The following DAB1 variants were observed in gnomAD, a reference collection of about 807,000 sequenced individuals.
DAB1 encodes DAB adaptor protein 1, also known as disabled homolog 1.
Under a neutral mutation model 64.6 loss-of-function variants are expected in DAB1, and 15 were observed. That is an observed-to-expected ratio of 0.23 (90% CI 0.16 to 0.36). The LOEUF (loss-of-function observed/expected upper bound fraction) is 0.36, where lower values mean the gene tolerates loss of function less well. Ranked by LOEUF, DAB1 falls within the 10% of genes least tolerant of loss-of-function variation. DAB1 has a pLI of 1.00. For synonymous variants in DAB1, 235 were observed against 251.9 expected (o/e 0.93, Z 0.64); for missense variants, 596 against 706.7 (o/e 0.84, Z 1.78).
chr1:57,597,345 G>A (rs113275118), intron 7 of DAB1, among the ~76,000 whole-genome samples: 10 of 152,292 alleles, frequency 6.6e-5, no homozygotes, highest in African/African-American at 2.4e-4. Context: ...CTGTGAACAA[G>A]GACAGCAAGA....
chr1:58,526,291 G>A (rs562661423), intron 2 of DAB1, among the ~76,000 whole-genome samples: 6 of 152,050 alleles, frequency 3.9e-5, no homozygotes, highest in Non-Finnish European at 7.4e-5. Context: ...TTGCTTTTGT[G>A]AAGGAGTAAT....
chr1:57,550,352 A>T (rs1644900797), intron 7 of DAB1, among the ~76,000 whole-genome samples: 1 of 152,150 alleles, frequency 6.6e-6, no homozygotes, highest in African/African-American at 2.4e-5. Flanking sequence ...CAGGACTCCT[A>T]CGTGGACAGG....
intron 3 of DAB1, among the ~76,000 whole-genome samples, chr1:58,442,636 A>G (rs1296843267): frequency 1.3e-5 from 2 of 152,102 alleles, no homozygotes; most frequent in East Asian, 3.9e-4. Flanking sequence ...GCTCAGAAAA[A>G]CCTGAGTTTA....
Position 57,540,612 on chromosome 1 carries a change from G to T in DAB1, n.625+108980C>A, listed in dbSNP as rs557099184. On this transcript the variant is annotated intron_variant and non_coding_transcript_variant, in intron 7 of 20. Coordinates refer to the DAB1 transcript ENST00000485760. Reference sequence around the variant, plus strand: ...TATTTACAAAGTGGAATACTACTTGGCCATAAAAAAAGAATAAAATCCTGT... The same window carrying T: ...TATTTACAAAGTGGAATACTACTTGTCCATAAAAAAAGAATAAAATCCTGT... Among the ~76,000 whole-genome samples the T allele has an allele frequency of 9.2e-4, 140 of 152,154 alleles. 2 individuals carry two copies. Among genetic ancestry groups the T allele is most frequent in the Non-Finnish European group, 1.6e-3 (107 of 68,038 alleles).
At chr1:57,890,876 C>A (rs1329739953) in intron 5 of DAB1, among the ~76,000 whole-genome samples, 1 of 152,184 alleles carries the variant, frequency 6.6e-6, no homozygotes, top group Non-Finnish European at 1.5e-5. Context: ...ATGAGTATTT[C>A]TCTCTGAACA....
At chr1:57,958,793 C>A (rs954173764) in intron 5 of DAB1, among the ~76,000 whole-genome samples, 1 of 152,170 alleles carries the variant, frequency 6.6e-6, no homozygotes, top group African/African-American at 2.4e-5. Flanking sequence ...CTTTCTATGT[C>A]TTCTCACATC....
chr1:58,067,486 A>G (rs1648928013), intron 5 of DAB1, among the ~76,000 whole-genome samples: 1 of 152,224 alleles, frequency 6.6e-6, no homozygotes, highest in Non-Finnish European at 1.5e-5. Flanking sequence ...AACACCTACC[A>G]CAGATTCCAG....
chr1:57,682,832 G>C (rs1296713660), intron 6 of DAB1, among the ~76,000 whole-genome samples: 1 of 152,190 alleles, frequency 6.6e-6, no homozygotes, highest in East Asian at 1.9e-4. Flanking sequence ...TCAGTTGACT[G>C]CCAGACAGGA....
chr1:57,012,068 T>C (rs1646283658), intron 12 of DAB1, among the ~76,000 whole-genome samples: 1 of 152,196 alleles, frequency 6.6e-6, no homozygotes, highest in African/African-American at 2.4e-5. Context: ...AAATATGCCA[T>C]TTGATACCAC....
At chr1:57,633,548 G>C (rs1376024518) in intron 7 of DAB1, among the ~76,000 whole-genome samples, 2 of 152,216 alleles carry the variant, frequency 1.3e-5, no homozygotes, top group Non-Finnish European at 1.5e-5. Context: ...GCTGGGAAGG[G>C]AGGGACAGAG....
At chr1:58,125,284 AG>A (rs919157766) in intron 5 of DAB1, among the ~76,000 whole-genome samples, 12 of 152,148 alleles carry the variant, frequency 7.9e-5, no homozygotes, top group Admixed American at 7.9e-4. Flanking sequence ...ATTTTGGTTC[AG>A]TTGCATTTAA....
chr1:57,733,994 C>T (rs1326431096), intron 6 of DAB1, among the ~76,000 whole-genome samples: 1 of 152,014 alleles, frequency 6.6e-6, no homozygotes, highest in Non-Finnish European at 1.5e-5. Context: ...AGATTATTTC[C>T]ACCAACCCAG....
At position 57,949,509 on chromosome 1, in the gene DAB1, A is replaced by ATC. The variant is rs1281900749; in HGVS notation, n.388-65348_388-65347insGA. 9.7e-4 allele frequency among the ~76,000 whole-genome samples: 139 copies of ATC among 142,704 alleles called. 1 individual carries two copies. The highest frequency in any genetic ancestry group is 2.2e-3 in the Admixed American group (30 of 13,434). 93.6% of individuals were successfully genotyped at this position (142,704 alleles called of 152,430 possible). On this transcript the variant is annotated intron_variant and non_coding_transcript_variant, in intron 5 of 20. Coordinates refer to the DAB1 transcript ENST00000485760. ...TATCTATCTATCTATCTATCTATCT[A>ATC]TATCTGTCTGTCTGTCTGTCTGTCT...
chr1:57,868,652 C>A (rs2101953083), intron 1 of DAB1, among the ~76,000 whole-genome samples: 2 of 152,194 alleles, frequency 1.3e-5, no homozygotes, highest in Middle Eastern at 3.4e-3. Context: ...AGAACCACTG[C>A]AGTAGACTAT....
At chr1:58,379,041 C>T (rs922808358) in intron 3 of DAB1, among the ~76,000 whole-genome samples, 52 of 145,278 alleles carry the variant, frequency 3.6e-4, no homozygotes, top group Admixed American at 5.5e-4. Context: ...CTTCGGCTCG[C>T]GCATGGTGCG....
At chr1:58,359,596 G>A (rs932225699) in intron 3 of DAB1, among the ~76,000 whole-genome samples, 6 of 151,498 alleles carry the variant, frequency 4.0e-5, no homozygotes, top group Non-Finnish European at 7.4e-5. Context: ...AACCTAAGGC[G>A]TACCTACCAC....
At chr1:58,466,212 G>A (rs1049927052) in intron 3 of DAB1, among the ~76,000 whole-genome samples, 18 of 152,076 alleles carry the variant, frequency 1.2e-4, no homozygotes, top group Non-Finnish European at 2.6e-4. Flanking sequence ...GGCAACCTTG[G>A]CTCCAGGACT....
chr1:57,851,481 G>A (rs1036869387), intron 1 of DAB1, among the ~76,000 whole-genome samples: 22 of 152,268 alleles, frequency 1.4e-4, no homozygotes, highest in Admixed American at 7.8e-4. Flanking sequence ...TTTGTCTGGC[G>A]GAGAGAAGAC....
chr1:57,684,240 A>G (rs1240890828), intron 6 of DAB1, among the ~76,000 whole-genome samples: 1 of 152,158 alleles, frequency 6.6e-6, no homozygotes. Flanking sequence ...ATAGCTAGAG[A>G]GGTTGACATT....
Sources: allele counts gnomAD v4.1 joint callset (sites outside exome capture counted in the v4.1 genomes callset), GRCh38; gene constraint gnomAD v4.1.1; transcripts MANE v1.5; gene names NCBI Gene and HGNC (gene_info 2026-07-23, HGNC 2026-07-21).